PITPNC1: variants seen among roughly 807,000 people sequenced by gnomAD.
PITPNC1 encodes cytoplasmic phosphatidylinositol transfer protein 1.
PITPNC1 carries 18 observed loss-of-function variants against 44.7 expected under a neutral mutation model. That is an observed-to-expected ratio of 0.40 (90% CI 0.28 to 0.60). The LOEUF (loss-of-function observed/expected upper bound fraction) is 0.60, where lower values mean the gene tolerates loss of function less well. Among genes scored for constraint, PITPNC1 ranks in the 20% least tolerant of loss-of-function variants. PITPNC1 has a pLI of 0.39. For synonymous variants in PITPNC1, 141 were observed against 149.6 expected (o/e 0.94, Z 0.42); for missense variants, 290 against 418.4 (o/e 0.69, Z 2.68).
At chr17:67,599,018 ATATATATATATATATAT>A (rs1183441371) in intron 5 of PITPNC1, among the ~76,000 whole-genome samples, 14 of 35,946 alleles carry the variant, frequency 3.9e-4, no homozygotes, top group African/African-American at 1.5e-3. Flanking sequence ...ATATATATAT[ATATATATATATATATAT>A]TTTTTTTTTT....
rs1389506259 is a variant in PITPNC1, at chr17:67,694,684, A to G, written c.*1796A>G. The G allele has an allele frequency of 6.6e-6, 1 of 152,240 alleles. No individual in the cohort carries two copies. Among genetic ancestry groups the G allele is most frequent in the African/African-American group, 2.4e-5 (1 of 41,478 alleles). The allele number at this position is 152,240 out of a possible 1,614,324, so 9.4% of individuals were successfully genotyped here. On this transcript the variant is annotated 3_prime_UTR_variant, in exon 9 of 9. Coordinates refer to ENST00000581322, the MANE Select transcript of PITPNC1 (RefSeq NM_012417.4). ...TGCAAATAGCTTAGATCAACAGTGTATCTCTTCCCTAAGAATGATAGTATC... is the reference window on the plus strand; with the variant it reads ...TGCAAATAGCTTAGATCAACAGTGTGTCTCTTCCCTAAGAATGATAGTATC...
At chr17:67,496,088 A>G (rs770610538) in intron 1 of PITPNC1, among the ~76,000 whole-genome samples, 8 of 152,198 alleles carry the variant, frequency 5.3e-5, no homozygotes, top group Non-Finnish European at 7.3e-5. Flanking sequence ...TCTGAGGAGA[A>G]AATGTTGTTG....
intron 8 of PITPNC1, among the ~76,000 whole-genome samples, chr17:67,683,162 C>CAAAA (rs901577194): frequency 0.018 from 733 of 41,430 alleles, 28 homozygotes; most frequent in African/African-American, 0.039. Flanking sequence ...AACTGAGTCT[C>CAAAA]AAAAAAAAAA....
chr17:67,573,190 G>A (rs1253834915), intron 4 of PITPNC1, among the ~76,000 whole-genome samples: 1 of 152,172 alleles, frequency 6.6e-6, no homozygotes, highest in Non-Finnish European at 1.5e-5. Context: ...GTCTTTGTTG[G>A]GGATGGCCAG....
At chr17:67,646,561 C>T (rs746974822) in intron 6 of PITPNC1, among the ~76,000 whole-genome samples, 7 of 152,136 alleles carry the variant, frequency 4.6e-5, no homozygotes, top group South Asian at 2.1e-4. Context: ...GTCTCACTGT[C>T]GCCCAAGCTG....
At chr17:67,624,217 T>TTC (rs1263008303) in intron 5 of PITPNC1, among the ~76,000 whole-genome samples, 1 of 147,108 alleles carries the variant, frequency 6.8e-6, no homozygotes, top group African/African-American at 2.5e-5. Context: ...TTCTTTTCTT[T>TTC]TTTTTTTTTT....
chr17:67,394,625 C>T (rs1425317222), intron 1 of PITPNC1, among the ~76,000 whole-genome samples: 2 of 152,066 alleles, frequency 1.3e-5, no homozygotes, highest in Admixed American at 6.6e-5. Flanking sequence ...CAGTTAAGGC[C>T]GGGCACGGTG....
chr17:67,526,849 A>G (rs1222577697), intron 1 of PITPNC1, among the ~76,000 whole-genome samples: 1 of 152,192 alleles, frequency 6.6e-6, no homozygotes, highest in East Asian at 1.9e-4. Flanking sequence ...CCTTGCCTCC[A>G]ATTTTGCAGC....
Position 67,597,139 on chromosome 17 carries a change from C to T in PITPNC1, c.366+18882C>T, listed in dbSNP as rs2041469904. ...GAACCCCTGGGCTCAAGTGATGCCC[C>T]CACCTTGGCCTCCCAAACTGCTGGG... On this transcript the variant is annotated intron_variant, in intron 5 of 8. Coordinates refer to ENST00000581322, the MANE Select transcript of PITPNC1 (RefSeq NM_012417.4). The surrounding 1 kb of genome is among the most constrained non-coding windows in gnomAD (Gnocchi z 4.0). 6.6e-6 allele frequency among the ~76,000 whole-genome samples: 1 copy of T among 152,110 alleles called. No individual in the cohort carries two copies.
intron 8 of PITPNC1, chr17:67,687,231 C>T (rs773759571): frequency 3.2e-5 from 32 of 987,340 alleles, no homozygotes; most frequent in Non-Finnish European, 2.6e-5. Flanking sequence ...CACAAATGCA[C>T]ATGTAAACTG....
intron 1 of PITPNC1, among the ~76,000 whole-genome samples, chr17:67,417,767 G>C (rs548891382): frequency 6.6e-6 from 1 of 152,140 alleles, no homozygotes; most frequent in Non-Finnish European, 1.5e-5. Flanking sequence ...TGGGGGCTGG[G>C]TGCGGTGGCT....
chr17:67,693,141 G>A lies in PITPNC1; in HGVS notation c.*253G>A. On this transcript the variant is annotated 3_prime_UTR_variant, in exon 9 of 9. Transcript: ENST00000581322. Reference sequence around the variant, plus strand: ...TCTGTAACCACATAGCTGTATGCCAGAGAGGAAGCCTTGTTATTGGGCATT... The same window carrying A: ...TCTGTAACCACATAGCTGTATGCCAAAGAGGAAGCCTTGTTATTGGGCATT... 2.5e-6 allele frequency: 1 copy of A among 399,684 alleles called. No individual in the cohort carries two copies. Among genetic ancestry groups the A allele is most frequent in the East Asian group, 4.2e-5 (1 of 24,088 alleles). 24.8% of individuals were successfully genotyped at this position (399,684 alleles called of 1,614,324 possible). A position where few individuals can be genotyped will look rare whatever the true frequency, so the allele number is the denominator to read the frequency against.
In PITPNC1 at chr17:67,378,002, G is replaced by A; in HGVS notation, c.-153G>A. The A allele has an allele frequency of 2.2e-6, 1 of 454,298 alleles. No individual in the cohort carries two copies. The highest frequency in any genetic ancestry group is 3.8e-6 in the Non-Finnish European group (1 of 262,102). 28.1% of individuals were successfully genotyped at this position (454,298 alleles called of 1,614,324 possible). A position where few individuals can be genotyped will look rare whatever the true frequency, so the allele number is the denominator to read the frequency against. On this transcript the variant is annotated 5_prime_UTR_variant, in exon 1 of 9. Transcript: ENST00000581322. ...TGACATGCTCTGGGGCGGAGAGGAG[G>A]AAGCCAGGAGCTGAGCGCGCCGCGG...
chr17:67,448,093 A>AGAGGAAAGTGATTTGAT (rs2039125875), intron 1 of PITPNC1, among the ~76,000 whole-genome samples: 1 of 151,930 alleles, frequency 6.6e-6, no homozygotes, highest in African/African-American at 2.4e-5. Context: ...TTAAAGGCGC[A>AGAGGAAAGTGATTTGAT]CACCACCACA....
rs11311248 is a variant in PITPNC1 at position 67,411,082 on chromosome 17, C to CAA, written c.48+32895_48+32896dup. On this transcript the variant is annotated intron_variant, in intron 1 of 8. Coordinates refer to ENST00000581322, the MANE Select transcript of PITPNC1 (RefSeq NM_012417.4). ...GGGTGACAGAGTGAGACTCCCATCT[C>CAA]AAAAAAAAAAAAAAAATAGAGCAGT... Among the ~76,000 whole-genome samples the CAA allele has an allele frequency of 7.8e-3, 1,061 of 136,474 alleles. 3 individuals are homozygous for CAA. The highest frequency in any genetic ancestry group is 0.01 in the Non-Finnish European group (652 of 63,812). 89.5% of individuals were successfully genotyped at this position (136,474 alleles called of 152,430 possible). A position where few individuals can be genotyped will look rare whatever the true frequency, so the allele number is the denominator to read the frequency against.
At chr17:67,426,955 T>G (rs1163784751) in intron 1 of PITPNC1, among the ~76,000 whole-genome samples, 2 of 152,332 alleles carry the variant, frequency 1.3e-5, no homozygotes, top group East Asian at 3.9e-4. Context: ...TTTCACATGC[T>G]GGTGAGTTCT....
chr17:67,583,877 GTGTGTGTGTGTGTGTGTGTT>G (rs1296179010), intron 5 of PITPNC1, among the ~76,000 whole-genome samples: 147 of 122,930 alleles, frequency 1.2e-3, no homozygotes, highest in Middle Eastern at 4.2e-3. Context: ...GTGTGTGTGT[GTGTGTGTGTGTGTGTGTGTT>G]TGTGTGTGTG....
chr17:67,664,003 C>G (rs1280647346), intron 6 of PITPNC1, among the ~76,000 whole-genome samples: 2 of 152,102 alleles, frequency 1.3e-5, no homozygotes, highest in East Asian at 3.9e-4. Context: ...TGCTCTGTCG[C>G]CCATGCTGGA....
chr17:67,554,253 A>AT (rs11413972), intron 4 of PITPNC1, among the ~76,000 whole-genome samples: 57,068 of 111,420 alleles, frequency 0.51, 16,318 homozygotes, highest in African/African-American at 0.74. Flanking sequence ...ATAGTTTATG[A>AT]TTTTTTTTTT....
Sources: allele counts gnomAD v4.1 joint callset (sites outside exome capture counted in the v4.1 genomes callset), GRCh38; gene constraint gnomAD v4.1.1; non-coding constraint Gnocchi (gnomAD v3.1); transcripts MANE v1.5; gene names NCBI Gene and HGNC (gene_info 2026-07-23, HGNC 2026-07-21).